CHD9: variants seen among roughly 807,000 people sequenced by gnomAD.
CHD9 encodes chromodomain helicase DNA binding protein 9.
Under a neutral mutation model 316.1 loss-of-function variants are expected in CHD9, and 77 were observed. The observed-to-expected ratio is 0.24, with a 90% CI of 0.20 to 0.29. The LOEUF is 0.29. Ranked by LOEUF, CHD9 falls within the 10% of genes least tolerant of loss-of-function variation. The probability of loss-of-function intolerance (pLI) is 1.00; values close to 1 mark genes in which losing one functional copy is unlikely to be tolerated. For synonymous variants in CHD9, 1,129 were observed against 1,158.3 expected (o/e 0.97, Z 0.51); for missense variants, 2,763 against 3,438.1 (o/e 0.80, Z 4.91).
At chr16:53,111,838 A>G (rs1419353574) in intron 1 of CHD9, among the ~76,000 whole-genome samples, 1 of 152,238 alleles carries the variant, frequency 6.6e-6, no homozygotes, top group Non-Finnish European at 1.5e-5. Context: ...CACTAGAACA[A>G]GTCTGAAAAT....
chr16:53,272,247 A>AC (rs1265850290), intron 22 of CHD9, among the ~76,000 whole-genome samples: 1 of 151,984 alleles, frequency 6.6e-6, no homozygotes, highest in Non-Finnish European at 1.5e-5. Flanking sequence ...TTGGAATAAA[A>AC]AAAAAGGGAC....
At chr16:53,168,202 C>T (rs1470696490) in intron 2 of CHD9, among the ~76,000 whole-genome samples, 5 of 152,064 alleles carry the variant, frequency 3.3e-5, no homozygotes, top group African/African-American at 1.2e-4. Context: ...GCTGGAACTA[C>T]AGGCGCCTGC....
At chr16:53,120,094 A>G (rs936955024) in intron 1 of CHD9, among the ~76,000 whole-genome samples, 34 of 152,038 alleles carry the variant, frequency 2.2e-4, no homozygotes, top group Admixed American at 8.5e-4. Context: ...TTAGCTGGTC[A>G]TGGTGGCAAT....
chr16:53,125,739 T>C (rs754848937), intron 1 of CHD9, among the ~76,000 whole-genome samples: 2 of 152,228 alleles, frequency 1.3e-5, no homozygotes, highest in Admixed American at 6.5e-5. Context: ...CCAGATGATT[T>C]TGCCCAACTG....
At chr16:53,134,952 C>A (rs895001891) in intron 1 of CHD9, among the ~76,000 whole-genome samples, 2 of 152,112 alleles carry the variant, frequency 1.3e-5, no homozygotes, top group Non-Finnish European at 2.9e-5. Context: ...TGGAAAATTA[C>A]AACTTATGAT....
At position 53,242,997 on chromosome 16, in the gene CHD9, G is replaced by T. The variant is rs2049234161; in HGVS notation, c.3035G>T (p.Gly1012Val). The change falls in exon 13 of 39, where the codon GGC (glycine) becomes GTC (valine). Residue 1012 changes from glycine to valine, a missense_variant. Physicochemically the swap from Gly to Val is moderately radical, Grantham distance 109. Transcript: ENST00000447540. ...AATAAAAATTGTAAACTCTTAGAGG[G>T]CCTGAAACTCATGAATCTGGTAAGT... ...LKNKNCKLLEGLKLMNLEHKV... is the reference protein window; with the variant it reads ...LKNKNCKLLEVLKLMNLEHKV... 5 of 1,606,138 alleles carry T rather than the reference G, an allele frequency of 3.1e-6. No individual in the cohort carries two copies. Among genetic ancestry groups the T allele is most frequent in the Non-Finnish European group, 4.3e-6 (5 of 1,175,046 alleles).
intron 34 of CHD9, chr16:53,311,293 T>G (rs1305151016): frequency 6.6e-6 from 1 of 152,208 alleles, no homozygotes; most frequent in African/African-American, 2.4e-5. Flanking sequence ...ATCTTAATAA[T>G]TGCAAATATG....
At chr16:53,063,224 A>T (rs2033114554) in intron 1 of CHD9, among the ~76,000 whole-genome samples, 1 of 152,146 alleles carries the variant, frequency 6.6e-6, no homozygotes, top group African/African-American at 2.4e-5. Flanking sequence ...ACTACTGAGC[A>T]AACAGGCATA....
intron 31 of CHD9, 57 bp downstream of exon 31, chr16:53,304,682 TCTTTTCTTTTC>T (rs1464633298): frequency 1.4e-5 from 18 of 1,317,472 alleles, no homozygotes; most frequent in South Asian, 5.1e-5. Flanking sequence ...TCTTTTCTTT[TCTTTTCTTTTC>T]TTTTTTTTTT....
chr16:53,253,482 T>TA (rs1193988697), intron 17 of CHD9, among the ~76,000 whole-genome samples: 1 of 151,964 alleles, frequency 6.6e-6, no homozygotes, highest in Non-Finnish European at 1.5e-5. Context: ...ATACTGCAAA[T>TA]ATAGTGCAGT....
chr16:53,245,837 A>T lies in CHD9; in HGVS notation c.3441A>T (p.Pro1147=). Residue 1147 remains proline (P), a synonymous_variant, in exon 15 of 39, where the codon CCA becomes CCT. Coordinates refer to ENST00000447540, the MANE Select transcript of CHD9 (RefSeq NM_001308319.2). The surrounding 1 kb of genome is among the most constrained non-coding windows in gnomAD (Gnocchi z 4.1). The part of the protein sequence containing the change: ...MMELRKCCNH[P]YLIKGAEEKI... ...AGCTCAGGAAATGTTGTAATCATCCATATCTTATAAAAGGTAGCTAAAAAA... is the reference window on the plus strand; with the variant it reads ...AGCTCAGGAAATGTTGTAATCATCCTTATCTTATAAAAGGTAGCTAAAAAA... The T allele has an allele frequency of 6.6e-7, 1 of 1,520,172 alleles. No homozygotes were observed. Among genetic ancestry groups the T allele is most frequent in the Admixed American group, 2.4e-5 (1 of 42,320 alleles). 94.2% of individuals were successfully genotyped at this position (1,520,172 alleles called of 1,614,324 possible). A position where few individuals can be genotyped will look rare whatever the true frequency, so the allele number is the denominator to read the frequency against.
chr16:53,180,600 G>C (rs1029334662), intron 2 of CHD9, among the ~76,000 whole-genome samples: 1 of 152,162 alleles, frequency 6.6e-6, no homozygotes, highest in Non-Finnish European at 1.5e-5. Flanking sequence ...GATTTCTTAA[G>C]TGCATATCAG....
At chr16:53,288,462 A>G (rs1429587781) in intron 27 of CHD9, among the ~76,000 whole-genome samples, 2 of 152,248 alleles carry the variant, frequency 1.3e-5, no homozygotes, top group African/African-American at 4.8e-5. Flanking sequence ...TGTCAAAAGG[A>G]AGAAGAGTTG....
chr16:53,097,388 C>CTTCCTTCT (rs2036477241), intron 1 of CHD9, among the ~76,000 whole-genome samples: 2 of 49,774 alleles, frequency 4.0e-5, no homozygotes, highest in Non-Finnish European at 7.1e-5. Context: ...TCCTTCCTTC[C>CTTCCTTCT]TTCCTTCCTT....
intron 29 of CHD9, among the ~76,000 whole-genome samples, chr16:53,293,317 A>T (rs997102326): frequency 2.6e-5 from 4 of 152,174 alleles, no homozygotes; most frequent in African/African-American, 9.7e-5. Context: ...TGAGGTATTT[A>T]AAAAAATAAA....
intron 2 of CHD9, among the ~76,000 whole-genome samples, chr16:53,207,814 A>G (rs2046002738): frequency 6.6e-6 from 1 of 151,606 alleles, no homozygotes; most frequent in Non-Finnish European, 1.5e-5. Context: ...ATTTTTATGT[A>G]TATTTTTTAA....
intron 1 of CHD9, among the ~76,000 whole-genome samples, chr16:53,098,596 C>G (rs1248056718): frequency 6.6e-6 from 1 of 151,928 alleles, no homozygotes; most frequent in Non-Finnish European, 1.5e-5. Flanking sequence ...CTGCTTTTTT[C>G]TTTGTCTCTT....
At chr16:53,107,432 C>A in intron 1 of CHD9, among the ~76,000 whole-genome samples, 1 of 147,956 alleles carries the variant, frequency 6.8e-6, no homozygotes. Context: ...TGCACTCCAG[C>A]CTGGGCAACA....
At chr16:53,215,606 GAA>G (rs1336176872) in intron 3 of CHD9, among the ~76,000 whole-genome samples, 1 of 152,044 alleles carries the variant, frequency 6.6e-6, no homozygotes, top group Non-Finnish European at 1.5e-5. Flanking sequence ...AGCTTGCAAA[GAA>G]AAAATAATGT....
Sources: gnomAD v4.1 joint callset for allele counts (sites outside exome capture counted in the v4.1 genomes callset) on GRCh38, gnomAD v4.1.1 for gene constraint, Gnocchi (gnomAD v3.1) non-coding constraint, MANE v1.5 for transcripts, NCBI Gene and HGNC (gene_info 2026-07-23, HGNC 2026-07-21) for gene names.